The following CIC variants were observed in gnomAD, a reference collection of about 807,000 sequenced individuals.
CIC encodes capicua transcriptional repressor.
A neutral mutation model predicts 115.7 loss-of-function variants in CIC; 18 were observed. That is an observed-to-expected ratio of 0.16 (90% CI 0.11 to 0.23). The LOEUF (loss-of-function observed/expected upper bound fraction) is 0.23. Among genes scored for constraint, CIC ranks in the 10% least tolerant of loss-of-function variants. The pLI is 1.00. For missense variants in CIC, 2,000 were observed against 2,159.3 expected, an observed-to-expected ratio of 0.93 and a Z score of 1.46; for synonymous variants, 1,076 against 923.0, an observed-to-expected ratio of 1.17 and a Z score of -3.01.
chr19:42,273,943 G>T lies in CIC; in HGVS notation c.2160G>T (p.Pro720=). 1 of 398,580 alleles carries T rather than the reference G, an allele frequency of 2.5e-6. No homozygotes were observed. The allele number at this position is 398,580 out of a possible 1,614,324, so 24.7% of individuals were successfully genotyped here. Residue 720 remains proline (P), a synonymous_variant, in exon 2 of 21, where the codon CCG becomes CCT. Transcript: ENST00000681038. ...SPGRRKTELL[P]HPGALGAPGA... is the part of the protein sequence containing the mutation. ...GGCGACGGAAGACAGAGCTGTTGCC[G>T]CATCCAGGGGCCTTGGGGGCCCCTG...
At position 42,295,366 on chromosome 19, in the gene CIC, C is replaced by A; in HGVS notation, c.*175C>A. The stretch of plus-strand genomic sequence containing the variant: ...CTTCCCTCGAAGCTCCCTCCCGGTG[C>A]TGGGGGGCAGCTGAGGGGCTGCAGG... On this transcript the variant is annotated 3_prime_UTR_variant, in exon 21 of 21. Coordinates refer to ENST00000681038, the MANE Select transcript of CIC (RefSeq NM_001386298.1). 1.6e-6 allele frequency: 1 copy of A among 621,880 alleles called. No individual in the cohort carries two copies. The highest frequency in any genetic ancestry group is 2.0e-5 in the South Asian group (1 of 49,838). The allele number at this position is 621,880 out of a possible 1,614,324, so 38.5% of individuals were successfully genotyped here.
intron 7 of CIC, among the ~76,000 whole-genome samples, chr19:42,288,429 C>T (rs2037821512): frequency 6.6e-6 from 1 of 152,148 alleles, no homozygotes; most frequent in African/African-American, 2.4e-5. Flanking sequence ...TGGGCTGCTT[C>T]CACTTATTGA....
In CIC at chr19:42,287,263, C is replaced by G. The variant is rs2147186178; in HGVS notation, c.3179+23C>G. 1.9e-6 allele frequency: 3 copies of G among 1,613,938 alleles called. No individual in the cohort carries two copies. On this transcript the variant is annotated intron_variant, in intron 4 of 20. Transcript: ENST00000681038. The surrounding 1 kb of genome is among the most constrained non-coding windows in gnomAD (Gnocchi z 8.7). ...TGCGTGAGTTCCCTGAGGCCTGGGA[C>G]TTGGGGGTGGGATGGCCAGAGACAT...
intron 2 of CIC, among the ~76,000 whole-genome samples, chr19:42,278,407 A>G (rs1016659565): frequency 2.6e-5 from 4 of 151,850 alleles, no homozygotes; most frequent in African/African-American, 7.3e-5. Flanking sequence ...TTGGCTTCCT[A>G]TATCTCTCTG....
In CIC at chr19:42,292,091, C is replaced by T. The variant is rs371872768; in HGVS notation, c.5619C>T (p.Ile1873=). Residue 1873 remains isoleucine (I), a synonymous_variant, in exon 13 of 21, where the codon ATC becomes ATT. Transcript: ENST00000681038. ...ATGGGTGCCCTTCTCCACAGATCAT[C>T]CAGCTGACCCCGGTGCCTGTGAGCA... ...QNGAQPPSKI[I]QLTPVPVSTP... 1.9e-6 allele frequency: 3 copies of T among 1,613,824 alleles called. No homozygotes were observed. Among genetic ancestry groups the T allele is most frequent in the East Asian group, 2.2e-5 (1 of 44,872 alleles).
At chr19:42,288,159 G>A (rs1054841025) in intron 7 of CIC, among the ~76,000 whole-genome samples, 184 bp downstream of exon 7, 4 of 152,240 alleles carry the variant, frequency 2.6e-5, no homozygotes, top group African/African-American at 9.6e-5. Context: ...GATCCACACA[G>A]ATACTAAGAT....
rs369614023 is a variant in CIC, at chr19:42,289,421, G to A, written c.4087+15G>A. ...TGATGTCATTGGTGAGCATTGCAGG[G>A]CCCAGAATCTTGCCCAGGACCCAGC... On this transcript the variant is annotated intron_variant, in intron 9 of 20. Transcript: ENST00000681038. The A allele has an allele frequency of 1.1e-5, 17 of 1,560,062 alleles. No individual in the cohort carries two copies. The highest frequency in any genetic ancestry group is 4.1e-5 in the African/African-American group (3 of 73,264).
rs774171984 is a variant in CIC at position 42,290,358 on chromosome 19, C to T, written c.4317C>T (p.Ser1439=). 2.0e-5 allele frequency: 33 copies of T among 1,614,010 alleles called. No homozygotes were observed. Among genetic ancestry groups the T allele is most frequent in the African/African-American group, 6.7e-5 (5 of 74,892 alleles). Reference sequence around the variant, plus strand: ...TAGCCTTTGGCAAAGGCTATGGTTCCGCCCCATCCTCCTCTGCGTCCTCGC... The same window carrying T: ...TAGCCTTTGGCAAAGGCTATGGTTCTGCCCCATCCTCCTCTGCGTCCTCGC... The part of the protein sequence containing the change: ...PPVAFGKGYG[S]APSSSASSPA... The change falls in exon 11 of 21, where the codon TCC becomes TCT. Residue 1439 remains serine (S), a synonymous_variant. Transcript: ENST00000681038.
rs2147358689 is a variant in CIC, at chr19:42,295,049, C to T, written c.7412C>T (p.Pro2471Leu). The change falls in exon 21 of 21, where the codon CCC (proline) becomes CTC (leucine). Residue 2471 changes from proline to leucine, a missense_variant. Pro to Leu is a moderately conservative substitution (Grantham distance 98). Coordinates refer to ENST00000681038, the MANE Select transcript of CIC (RefSeq NM_001386298.1). ...SPAGGPDPTSPSSDSGTAQAA... is the reference protein window; with the variant it reads ...SPAGGPDPTSLSSDSGTAQAA... ...GCAGGGGGCCCTGACCCCACCTCAC[C>T]CAGCTCGGACTCTGGCACGGCCCAG... 1.9e-6 allele frequency: 3 copies of T among 1,543,218 alleles called. No individual in the cohort carries two copies. Among genetic ancestry groups the T allele is most frequent in the Non-Finnish European group, 2.6e-6 (3 of 1,150,588 alleles).
At chr19:42,269,584 T>C (rs547628327) in intron 1 of CIC, among the ~76,000 whole-genome samples, 122 of 136,794 alleles carry the variant, frequency 8.9e-4, no homozygotes, top group Non-Finnish European at 1.6e-3. Context: ...CAAAGAAGGG[T>C]AACAGGAATG....
Position 42,295,143 on chromosome 19 carries a change from G to GGGGGGCCC in CIC, c.7506_7507insGGGGGCCC (p.Pro2503GlyfsTer29). 9.4e-6 allele frequency: 13 copies of GGGGGGCCC among 1,382,680 alleles called. No individual in the cohort carries two copies. Among genetic ancestry groups the GGGGGGCCC allele is most frequent in the Non-Finnish European group, 1.2e-5 (12 of 1,037,774 alleles). The allele number at this position is 1,382,680 out of a possible 1,614,324, so 85.7% of individuals were successfully genotyped here. A position where few individuals can be genotyped will look rare whatever the true frequency, so the allele number is the denominator to read the frequency against. On this transcript the variant is annotated frameshift_variant, in exon 21 of 21. Transcript: ENST00000681038. LOFTEE classifies it high-confidence loss of function. ...AGCCTGGCTGGGAGGGGGCTCCCCA[G>GGGGGGCCC]CCCTCCCCCCCACCCCCAGGTCCCT...
chr19:42,290,026 T>TGA, intron 10 of CIC, 75 bp downstream of exon 10: 2 of 1,442,762 alleles, frequency 1.4e-6, no homozygotes, highest in Non-Finnish European at 1.9e-6. Flanking sequence ...CTCCCGGGCT[T>TGA]GAGAGAGGGG....
chr19:42,277,653 C>T (rs561961054), intron 2 of CIC, among the ~76,000 whole-genome samples: 2 of 152,362 alleles, frequency 1.3e-5, no homozygotes, highest in Non-Finnish European at 2.9e-5. Context: ...TGCCTAACCC[C>T]GGGCTTGGGG....
chr19:42,281,239 C>T (rs1745932366), intron 2 of CIC, among the ~76,000 whole-genome samples: 1 of 152,098 alleles, frequency 6.6e-6, no homozygotes, highest in Admixed American at 6.5e-5. Flanking sequence ...GGTGGGGAGC[C>T]GCAGGCGGCC....
At position 42,294,070 on chromosome 19, in the gene CIC, G is replaced by T; in HGVS notation, c.6903G>T (p.Lys2301Asn). The T allele has an allele frequency of 6.2e-7, 1 of 1,613,606 alleles. No homozygotes were observed. Among genetic ancestry groups the T allele is most frequent in the Non-Finnish European group, 8.5e-7 (1 of 1,180,030 alleles). Reference sequence around the variant, plus strand: ...GGGCCATCCTGGGCTCTTACCGCAAGAAGAGGAAGAACTCCACGGGTAGGC... The same window carrying T: ...GGGCCATCCTGGGCTCTTACCGCAATAAGAGGAAGAACTCCACGGGTAGGC... Reference protein sequence around the residue: ...SPRAILGSYRKKRKNSTDLDS... With the variant: ...SPRAILGSYRNKRKNSTDLDS... Residue 2301 changes from lysine (K) to asparagine (N), a missense_variant, in exon 18 of 21, where the codon AAG becomes AAT. Around this residue, in one of 8 missense-constraint regions of CIC, gnomAD observed 99 missense variants for 217.6 expected, o/e 0.45. Coordinates refer to ENST00000681038, the MANE Select transcript of CIC (RefSeq NM_001386298.1).
In CIC at chr19:42,291,023, CTG is replaced by C; in HGVS notation, c.4985_4986del (p.Val1662GlyfsTer9). 1 of 1,613,722 alleles carries C rather than the reference CTG, an allele frequency of 6.2e-7. No individual in the cohort carries two copies. Among genetic ancestry groups the C allele is most frequent in the Non-Finnish European group, 8.5e-7 (1 of 1,179,984 alleles). On this transcript the variant is annotated frameshift_variant, in exon 11 of 21. Coordinates refer to ENST00000681038, the MANE Select transcript of CIC (RefSeq NM_001386298.1). LOFTEE classifies it high-confidence loss of function. ...TTGGTGGCTGGACCCCTGCTGGGCACTGTGGGGAAGGCGCCTGCCACTGTCAC... is the reference window on the plus strand; with the variant it reads ...TTGGTGGCTGGACCCCTGCTGGGCACTGGGGAAGGCGCCTGCCACTGTCAC...
chr19:42,286,029 G>A (rs1436487157), intron 2 of CIC, among the ~76,000 whole-genome samples: 3 of 152,236 alleles, frequency 2.0e-5, no homozygotes, highest in African/African-American at 7.2e-5. Context: ...TTTGGGCAAG[G>A]GGGCTGGACC....
chr19:42,271,123 C>A (rs972924042), intron 1 of CIC, among the ~76,000 whole-genome samples: 6 of 152,098 alleles, frequency 3.9e-5, no homozygotes, highest in South Asian at 2.1e-4. Flanking sequence ...CAGTCACCAC[C>A]CTTTTTGTGA....
chr19:42,282,562 G>A (rs941945719), intron 2 of CIC, among the ~76,000 whole-genome samples: 5 of 152,174 alleles, frequency 3.3e-5, no homozygotes, highest in African/African-American at 1.2e-4. Flanking sequence ...TGGTCCACGT[G>A]GCTCTGTATC....
Sources: allele counts gnomAD v4.1 joint callset (sites outside exome capture counted in the v4.1 genomes callset), GRCh38; gene constraint gnomAD v4.1.1; regional missense constraint gnomAD v4.1.1; non-coding constraint Gnocchi (gnomAD v3.1); transcripts MANE v1.5; gene names NCBI Gene and HGNC (gene_info 2026-07-23, HGNC 2026-07-21).